The following TMX1 variants were observed in gnomAD, a reference collection of about 807,000 sequenced individuals.
TMX1 encodes thioredoxin related transmembrane protein 1.
TMX1 carries 25 observed loss-of-function variants against 36.6 expected under a neutral mutation model. The ratio of observed to expected loss-of-function variants is 0.68; its 90% CI spans 0.50 to 0.95. The LOEUF (loss-of-function observed/expected upper bound fraction) is 0.95, where lower values mean the gene tolerates loss of function less well. Ranked by LOEUF, TMX1 falls within the 40% of genes least tolerant of loss-of-function variation. The pLI is 0.00. For synonymous variants in TMX1, 133 were observed against 118.0 expected (o/e 1.13, Z -0.82); for missense variants, 347 against 339.6 (o/e 1.02, Z -0.17).
At position 51,256,014 on chromosome 14, in the gene TMX1, C is replaced by G. The variant is rs2065836709; in HGVS notation, c.*1495C>G. The stretch of plus-strand genomic sequence containing the variant: ...ATGCCTTAGAAAAATATCCTAAGCA[C>G]AAAATAAACCTTTCTAACCACTTCA... On this transcript the variant is annotated 3_prime_UTR_variant, in exon 8 of 8. Transcript: ENST00000457354. 6.6e-6 allele frequency: 1 copy of G among 152,504 alleles called. No individual in the cohort carries two copies. The allele number at this position is 152,504 out of a possible 1,614,324, so 9.4% of individuals were successfully genotyped here. A position where few individuals can be genotyped will look rare whatever the true frequency, so the allele number is the denominator to read the frequency against.
In TMX1 at chr14:51,255,547, C is replaced by A. The variant is rs1304208840; in HGVS notation, c.*1028C>A. ...GGAAAAAGCATCTTCTTGTATATGT[C>A]TTAAATGTATTTTTGTCCTCATATA... On this transcript the variant is annotated 3_prime_UTR_variant, in exon 8 of 8. Transcript: ENST00000457354. The A allele has an allele frequency of 6.6e-6, 1 of 151,910 alleles. No homozygotes were observed. Among genetic ancestry groups the A allele is most frequent in the African/African-American group, 2.4e-5 (1 of 41,412 alleles). The allele number at this position is 151,910 out of a possible 1,614,324, so 9.4% of individuals were successfully genotyped here.
chr14:51,254,407 A>AAG lies in TMX1; in HGVS notation c.733_734dup (p.Asp245GlufsTer23). On this transcript the variant is annotated frameshift_variant, in exon 8 of 8. Coordinates refer to ENST00000457354, the MANE Select transcript of TMX1 (RefSeq NM_030755.5). LOFTEE classifies it high-confidence loss of function. ...GAGGAGGAACAAGAGGCGGATGAAG[A>AAG]AGATGTTTCAGAAGAAGAAGCTGAA... 6.2e-7 allele frequency: 1 copy of AAG among 1,612,622 alleles called. No individual in the cohort carries two copies. Among genetic ancestry groups the AAG allele is most frequent in the South Asian group, 1.1e-5 (1 of 90,746 alleles).
At chr14:51,241,769 C>T (rs1044576338) in intron 1 of TMX1, among the ~76,000 whole-genome samples, 4 of 152,132 alleles carry the variant, frequency 2.6e-5, no homozygotes, top group African/African-American at 7.2e-5. Context: ...TTAAGGAGGC[C>T]AGTGAAAGTG....
chr14:51,245,179 G>A (rs2139852532), intron 2 of TMX1, 134 bp from the exon 3 acceptor site: 3 of 1,005,224 alleles, frequency 3.0e-6, no homozygotes, highest in Non-Finnish European at 4.4e-6. Context: ...TTTAAATTAT[G>A]TATTACGAAG....
rs1412487548 is a variant in TMX1, at chr14:51,254,491, G to A, written c.815G>A (p.Gly272Asp). The change falls in exon 8 of 8, where the codon GGT (glycine) becomes GAT (aspartate). Residue 272 changes from glycine to aspartate, a missense_variant. Transcript: ENST00000457354. ...AATGCCATAAGACAACGCTCTCTGGGTCCATCATTGGCCACAGATAAATCC... is the reference window on the plus strand; with the variant it reads ...AATGCCATAAGACAACGCTCTCTGGATCCATCATTGGCCACAGATAAATCC... ...PQNAIRQRSL[G>D]PSLATDKS 6.2e-7 allele frequency: 1 copy of A among 1,602,356 alleles called. No individual in the cohort carries two copies. Among genetic ancestry groups the A allele is most frequent in the African/African-American group, 1.3e-5 (1 of 74,166 alleles).
rs750785321 is a variant in TMX1, at chr14:51,249,351, C to G, written c.469C>G (p.Gln157Glu). Reference sequence around the variant, plus strand: ...GATGAGTAGTATGTCAGCACTCTTTCAGCTATCTATGTGGATCAGGGTATG... The same window carrying G: ...GATGAGTAGTATGTCAGCACTCTTTGAGCTATCTATGTGGATCAGGGTATG... ...VLMSSMSALF[Q>E]LSMWIRTCHN... The change falls in exon 5 of 8, where the codon CAG becomes GAG. Residue 157 changes from glutamine (Q) to glutamate (E), a missense_variant. By Grantham distance (29) the Gln-to-Glu change is conservative (BLOSUM62 2). Transcript: ENST00000457354. 2.5e-6 allele frequency: 4 copies of G among 1,607,714 alleles called. No individual in the cohort carries two copies. In the African/African-American group the frequency reaches 4.0e-5, roughly 16 times the overall value.
intron 7 of TMX1, among the ~76,000 whole-genome samples, chr14:51,251,740 A>G (rs2065814794): frequency 6.6e-6 from 1 of 152,202 alleles, no homozygotes; most frequent in African/African-American, 2.4e-5. Context: ...ACTTGCCCGA[A>G]GAACTTGTTC....
chr14:51,243,778 A>T lies in TMX1; in HGVS notation c.153-78A>T, dbSNP rs926661446. 1.4e-5 allele frequency: 13 copies of T among 912,080 alleles called. No homozygotes were observed. The Middle Eastern group carries it at 1.1e-3, about 77-fold the overall frequency. 56.5% of individuals were successfully genotyped at this position (912,080 alleles called of 1,614,324 possible). A position where few individuals can be genotyped will look rare whatever the true frequency, so the allele number is the denominator to read the frequency against. On this transcript the variant is annotated intron_variant, in intron 1 of 7. Coordinates refer to ENST00000457354, the MANE Select transcript of TMX1 (RefSeq NM_030755.5). ...ATGAAATATTCTTCATAAATTATAC[A>T]TTTAAATTTTTTATCCCAAGATAAA...
chr14:51,247,314 T>C, intron 4 of TMX1, 94 bp downstream of exon 4: 1 of 1,389,704 alleles, frequency 7.2e-7, no homozygotes, highest in Non-Finnish European at 9.6e-7. Flanking sequence ...GTTTGTTTCT[T>C]GAGCTGTTAA....
rs1307340652 is a variant in TMX1, at chr14:51,255,233, C to G, written c.*714C>G. The G allele has an allele frequency of 2.0e-5, 3 of 151,836 alleles. No individual in the cohort carries two copies. The highest frequency in any genetic ancestry group is 7.3e-5 in the African/African-American group (3 of 41,368). The allele number at this position is 151,836 out of a possible 1,614,324, so 9.4% of individuals were successfully genotyped here. ...TATTTTTCAAATTGGATGATAATTTCTTGGAAACATTTTTTATGTTTTAGT... is the reference window on the plus strand; with the variant it reads ...TATTTTTCAAATTGGATGATAATTTGTTGGAAACATTTTTTATGTTTTAGT... On this transcript the variant is annotated 3_prime_UTR_variant, in exon 8 of 8. Transcript: ENST00000457354.
intron 7 of TMX1, among the ~76,000 whole-genome samples, chr14:51,250,734 G>A (rs1019251015): frequency 2.6e-5 from 4 of 152,018 alleles, no homozygotes; most frequent in Non-Finnish European, 4.4e-5. Flanking sequence ...CTCGTGATCC[G>A]CCAGCCTCGG....
At chr14:51,249,206 C>A in intron 4 of TMX1, 120 bp from the exon 5 acceptor site, 1 of 752,240 alleles carries the variant, frequency 1.3e-6, no homozygotes, top group Non-Finnish European at 2.1e-6. Context: ...TGATGTGTCA[C>A]TAGTCTTGAT....
intron 7 of TMX1, among the ~76,000 whole-genome samples, 195 bp downstream of exon 7, chr14:51,249,960 G>A (rs1437825781): frequency 6.6e-6 from 1 of 152,148 alleles, no homozygotes; most frequent in Non-Finnish European, 1.5e-5. Flanking sequence ...GTGGATTTTG[G>A]AACATTGTTA....
chr14:51,256,864 A>G lies in TMX1; in HGVS notation c.*2345A>G, dbSNP rs557104034. 9 of 152,272 alleles carry G rather than the reference A, an allele frequency of 5.9e-5. No individual in the cohort carries two copies. The highest frequency in any genetic ancestry group is 2.2e-4 in the African/African-American group (9 of 41,530). 9.4% of individuals were successfully genotyped at this position (152,272 alleles called of 1,614,324 possible). A position where few individuals can be genotyped will look rare whatever the true frequency, so the allele number is the denominator to read the frequency against. Reference sequence around the variant, plus strand: ...GTACAAATAGGTAAAATTTGAATCTAATTCTTGTTCCAAATCTTTTTTTGT... The same window carrying G: ...GTACAAATAGGTAAAATTTGAATCTGATTCTTGTTCCAAATCTTTTTTTGT... On this transcript the variant is annotated 3_prime_UTR_variant, in exon 8 of 8. Transcript: ENST00000457354.
At position 51,245,305 on chromosome 14, in the gene TMX1, A is replaced by G. The variant is rs779298108; in HGVS notation, c.269-8A>G. The stretch of plus-strand genomic sequence containing the variant: ...ATGTAAAACCTGCTGTGTGTTCTTT[A>G]TTTGTAGGACTGAGTGGACGGTTTA... On this transcript the variant is annotated splice_region_variant and splice_polypyrimidine_tract_variant and intron_variant, in intron 2 of 7. Coordinates refer to ENST00000457354, the MANE Select transcript of TMX1 (RefSeq NM_030755.5). The G allele has an allele frequency of 1.2e-6, 2 of 1,613,660 alleles. No homozygotes were observed. The highest frequency in any genetic ancestry group is 1.7e-6 in the Non-Finnish European group (2 of 1,179,942).
intron 3 of TMX1, chr14:51,245,642 A>C (rs1002561130): frequency 3.4e-5 from 18 of 536,062 alleles, no homozygotes; most frequent in African/African-American, 3.1e-4. Context: ...TATGCATCCA[A>C]AGTAGTGGTG....
chr14:51,249,286 G>A (rs2065800288), intron 4 of TMX1, 40 bp from the exon 5 acceptor site: 2 of 1,518,248 alleles, frequency 1.3e-6, no homozygotes, highest in Admixed American at 2.1e-5. Flanking sequence ...ACAAATCTGT[G>A]TATGTTACTC....
Position 51,249,311 on chromosome 14 carries a change from C to T in TMX1, c.444-15C>T, listed in dbSNP as rs764091855. 10 of 1,593,290 alleles carry T rather than the reference C, an allele frequency of 6.3e-6. 1 individual carries two copies. The South Asian group carries it at 1.1e-4, about 18-fold the overall frequency. The stretch of plus-strand genomic sequence containing the variant: ...GTATGTTACTCAGTTTTTTAATCAT[C>T]TCTTTTATTTTTAGGATGAGTAGTA... On this transcript the variant is annotated splice_polypyrimidine_tract_variant and intron_variant, in intron 4 of 7. Coordinates refer to ENST00000457354, the MANE Select transcript of TMX1 (RefSeq NM_030755.5).
At chr14:51,240,665 C>G (rs1166090999) in intron 1 of TMX1, among the ~76,000 whole-genome samples, 3 of 152,140 alleles carry the variant, frequency 2.0e-5, no homozygotes, top group African/African-American at 7.2e-5. Context: ...TGGGGTGCAC[C>G]CTCGTTTCGT....
Sources: allele counts gnomAD v4.1 joint callset (sites outside exome capture counted in the v4.1 genomes callset), GRCh38; gene constraint gnomAD v4.1.1; transcripts MANE v1.5; gene names NCBI Gene and HGNC (gene_info 2026-07-23, HGNC 2026-07-21).